Variants in SERP2 observed in about 807,000 individuals in gnomAD.
SERP2 encodes the protein stress-associated endoplasmic reticulum protein 2.
Under a neutral mutation model 9.1 loss-of-function variants are expected in SERP2, and 6 were observed. The observed-to-expected ratio is 0.66, with a 90% confidence interval of 0.36 to 1.30. The LOEUF (loss-of-function observed/expected upper bound fraction) is 1.30, where lower values mean the gene tolerates loss of function less well. SERP2 is among the 50% of genes most tolerant of loss of function. SERP2 has a pLI of 0.03. For synonymous variants in SERP2, 37 were observed against 27.3 expected (o/e 1.35, Z -1.10); for missense variants, 58 against 81.9 (o/e 0.71, Z 1.13).
At chr13:44,375,283 C>T (rs1157129472) in intron 1 of SERP2, among the ~76,000 whole-genome samples, 1 of 151,980 alleles carries the variant, frequency 6.6e-6, no homozygotes, top group Admixed American at 6.5e-5. Flanking sequence ...CAAAACCAAG[C>T]AGTATTACGG....
intron 2 of SERP2, among the ~76,000 whole-genome samples, chr13:44,388,346 G>GTGTT (rs397812958): frequency 6.8e-4 from 103 of 151,736 alleles, no homozygotes; most frequent in Non-Finnish European, 4.7e-4. Flanking sequence ...TCATGAATGT[G>GTGTT]TATGTATATG....
chr13:44,392,284 G>A (rs1352248777), intron 2 of SERP2, among the ~76,000 whole-genome samples: 1 of 148,790 alleles, frequency 6.7e-6, no homozygotes, highest in Non-Finnish European at 1.5e-5. Flanking sequence ...AAGGAGAAGA[G>A]TGATACAAGG....
Position 44,373,917 on chromosome 13 carries a change from C to T in SERP2, c.-109C>T, listed in dbSNP as rs1044065710. 1.5e-5 allele frequency: 16 copies of T among 1,041,124 alleles called. No homozygotes were observed. The African/African-American group carries it at 2.4e-4, about 15-fold the overall frequency. 64.5% of individuals were successfully genotyped at this position (1,041,124 alleles called of 1,614,324 possible). A position where few individuals can be genotyped will look rare whatever the true frequency, so the allele number is the denominator to read the frequency against. ...GCTCGGGGCCACGCCTTGCCACCTG[C>T]AGCGCCCGGGTGGGCCGCGGGGGCC... On this transcript the variant is annotated 5_prime_UTR_variant, in exon 1 of 3. Coordinates refer to ENST00000379179, the MANE Select transcript of SERP2 (RefSeq NM_001010897.3). This position sits in a 1 kb window ranked among gnomAD's most constrained non-coding sequence, Gnocchi z 4.8.
intron 2 of SERP2, among the ~76,000 whole-genome samples, chr13:44,382,436 C>CAAAAAAA (rs71202274): frequency 2.2e-5 from 1 of 45,660 alleles, no homozygotes; most frequent in Admixed American, 2.7e-4. Flanking sequence ...GACTCCGTCT[C>CAAAAAAA]AAAAAAAAAA....
intron 2 of SERP2, among the ~76,000 whole-genome samples, chr13:44,383,617 G>A (rs564323107): frequency 1.1e-4 from 15 of 138,992 alleles, no homozygotes; most frequent in African/African-American, 3.8e-4. Context: ...GCGCAATCTC[G>A]GCCCACGGCA....
intron 2 of SERP2, among the ~76,000 whole-genome samples, chr13:44,388,672 C>T (rs919153549): frequency 4.6e-5 from 7 of 152,186 alleles, no homozygotes; most frequent in African/African-American, 9.7e-5. Context: ...CTGCCTGCTG[C>T]GGGTTGCGGG....
At chr13:44,374,283 G>C (rs1414837423) in intron 1 of SERP2, among the ~76,000 whole-genome samples, 174 bp downstream of exon 1, 1 of 152,124 alleles carries the variant, frequency 6.6e-6, no homozygotes, top group Non-Finnish European at 1.5e-5. Context: ...AGGGCGGCGC[G>C]GTCTGCTTGG....
chr13:44,387,694 T>C (rs1268242112), intron 2 of SERP2, among the ~76,000 whole-genome samples: 3 of 152,236 alleles, frequency 2.0e-5, no homozygotes, highest in Non-Finnish European at 4.4e-5. Flanking sequence ...CTCTTTGCAA[T>C]ACGGTTGTAT....
At chr13:44,383,614 C>T (rs1872145160) in intron 2 of SERP2, among the ~76,000 whole-genome samples, 1 of 136,712 alleles carries the variant, frequency 7.3e-6, no homozygotes, top group Admixed American at 8.2e-5. Context: ...GTGGCGCAAT[C>T]TCGGCCCACG....
At chr13:44,393,763 C>CT (rs1387854593) in intron 2 of SERP2, among the ~76,000 whole-genome samples, 1 of 152,170 alleles carries the variant, frequency 6.6e-6, no homozygotes, top group African/African-American at 2.4e-5. Context: ...ATTTGGAAGG[C>CT]TGAGGTTACT....
intron 1 of SERP2, among the ~76,000 whole-genome samples, chr13:44,374,384 C>T (rs1259578001): frequency 1.3e-5 from 2 of 152,218 alleles, no homozygotes; most frequent in African/African-American, 2.4e-5. Flanking sequence ...GAGCCCTCCT[C>T]CCCGACCCGC....
intron 2 of SERP2, among the ~76,000 whole-genome samples, chr13:44,383,375 T>A (rs935065795): frequency 2.6e-5 from 4 of 152,084 alleles, no homozygotes; most frequent in African/African-American, 9.7e-5. Flanking sequence ...TAAAAAACTA[T>A]TATATGGCCT....
chr13:44,380,868 T>C (rs1871929649), intron 2 of SERP2, among the ~76,000 whole-genome samples: 2 of 152,196 alleles, frequency 1.3e-5, no homozygotes, highest in African/African-American at 4.8e-5. Flanking sequence ...TCTCCTGTTT[T>C]GAATTACACT....
intron 2 of SERP2, among the ~76,000 whole-genome samples, chr13:44,391,650 G>GTCCC (rs1872777090): frequency 6.6e-6 from 1 of 152,136 alleles, no homozygotes; most frequent in Non-Finnish European, 1.5e-5. Context: ...TCAAAGTGTG[G>GTCCC]TCCCTGGACC....
chr13:44,374,289 C>T (rs1871506829), intron 1 of SERP2, among the ~76,000 whole-genome samples, 180 bp downstream of exon 1: 2 of 152,158 alleles, frequency 1.3e-5, no homozygotes, highest in African/African-American at 4.8e-5. Flanking sequence ...GCGCGGTCTG[C>T]TTGGCGTCCT....
At position 44,379,679 on chromosome 13, in the gene SERP2, G is replaced by A. The variant is rs1285953964; in HGVS notation, c.123G>A (p.Leu41=). 3.1e-6 allele frequency: 5 copies of A among 1,613,128 alleles called. No individual in the cohort carries two copies. Among genetic ancestry groups the A allele is most frequent in the South Asian group, 1.1e-5 (1 of 90,938 alleles). Residue 41 remains leucine, a synonymous_variant, in exon 2 of 3, where the codon CTG becomes CTA. Transcript: ENST00000379179. Reference sequence around the variant, plus strand: ...AGAAATATCCTGTGGGACCATGGCTGTTGGCACTGTTTGTTTTTGTTGTCT... The same window carrying A: ...AGAAATATCCTGTGGGACCATGGCTATTGGCACTGTTTGTTTTTGTTGTCT... ...QEEKYPVGPW[L]LALFVFVVCG...
chr13:44,393,991 TC>T (rs1238198506), intron 2 of SERP2, among the ~76,000 whole-genome samples: 2 of 152,228 alleles, frequency 1.3e-5, no homozygotes, highest in African/African-American at 4.8e-5. Context: ...ATCGCTGGAC[TC>T]TTATATGTTA....
At chr13:44,376,511 C>A (rs1328596356) in intron 1 of SERP2, among the ~76,000 whole-genome samples, 6 of 152,148 alleles carry the variant, frequency 3.9e-5, no homozygotes. Flanking sequence ...TGGCTCAGCA[C>A]TTTCTGTAAT....
intron 2 of SERP2, among the ~76,000 whole-genome samples, chr13:44,390,130 T>C (rs1419204394): frequency 6.6e-6 from 1 of 152,242 alleles, no homozygotes; most frequent in Non-Finnish European, 1.5e-5. Flanking sequence ...GCCTTTAGCA[T>C]ATGACTGTGT....
Sources: allele counts gnomAD v4.1 joint callset (sites outside exome capture counted in the v4.1 genomes callset), GRCh38; gene constraint gnomAD v4.1.1; non-coding constraint Gnocchi (gnomAD v3.1); transcripts MANE v1.5; gene names NCBI Gene and HGNC (gene_info 2026-07-23, HGNC 2026-07-21).